ZBED6: variants seen among roughly 807,000 people sequenced by gnomAD.
ZBED6 encodes the protein zinc finger BED domain-containing protein 6.
ZBED6 carries 40 observed loss-of-function variants against 58.4 expected under a neutral mutation model. The ratio of observed to expected loss-of-function variants is 0.68; its 90% CI spans 0.53 to 0.89. The LOEUF is 0.89. Among genes scored for constraint, ZBED6 ranks in the 40% least tolerant of loss-of-function variants. ZBED6 has a pLI of 0.00. For missense variants in ZBED6, 1,057 were observed against 1,003.9 expected, an observed-to-expected ratio of 1.05 and a Z score of -0.71; for synonymous variants, 439 against 350.6, an observed-to-expected ratio of 1.25 and a Z score of -2.82.
intron 11 of ZBED6, among the ~76,000 whole-genome samples, chr1:203,845,369 T>C (rs1163455029): frequency 6.6e-6 from 1 of 152,224 alleles, no homozygotes; most frequent in Non-Finnish European, 1.5e-5. Flanking sequence ...ATTGAAAGAA[T>C]TTGTGATTTT....
exon 12 of ZBED6, chr1:203,847,522 G>C (rs762233475): frequency 9.9e-6 from 16 of 1,613,814 alleles, no homozygotes. Context: ...GGAGCCTGCA[G>C]GTAAAACAAA....
chr1:203,840,444 ATTTACCTG>A lies in ZBED6; in HGVS notation c.*3741+73_*3741+80del, dbSNP rs1320526484. 4.8e-6 allele frequency: 7 copies of A among 1,471,584 alleles called. No individual in the cohort carries two copies. The East Asian group carries it at 1.4e-4, about 29-fold the overall frequency. 91.2% of individuals were successfully genotyped at this position (1,471,584 alleles called of 1,614,324 possible). On this transcript the variant is annotated intron_variant, in intron 11 of 16. Coordinates refer to ENST00000550078, the Ensembl canonical transcript of ZBED6. ...TGTAAGAGCCTTTGCTTTTTCTCAG[ATTTACCTG>A]TTGCTTGCTAGGGCTTTTGATTTTT...
chr1:203,810,400 T>A (rs1429091190), intron 1 of ZBED6, among the ~76,000 whole-genome samples: 1 of 151,702 alleles, frequency 6.6e-6, no homozygotes, highest in East Asian at 1.9e-4. Context: ...TTCCTTTTTC[T>A]TGTTTTACAT....
At chr1:203,798,100 C>T in exon 1 of ZBED6, 2 of 1,536,118 alleles carry the variant, frequency 1.3e-6, no homozygotes, top group Non-Finnish European at 1.7e-6. Flanking sequence ...TTTGGAGTTG[C>T]TAGTGGAGAG....
intron 9 of ZBED6, among the ~76,000 whole-genome samples, chr1:203,835,176 A>G (rs1336262772): frequency 1.3e-5 from 2 of 152,220 alleles, no homozygotes; most frequent in Admixed American, 6.5e-5. Context: ...GTAATAAAAA[A>G]CTTTCAGCGA....
intron 16 of ZBED6, 108 bp from the exon 17 acceptor site, chr1:203,852,033 G>T (rs569959728): frequency 3.2e-5 from 20 of 618,176 alleles, no homozygotes; most frequent in South Asian, 5.9e-5. Flanking sequence ...ATTTCTTTAT[G>T]TATGTTCTTA....
intron 3 of ZBED6, among the ~76,000 whole-genome samples, chr1:203,823,486 A>G (rs751092412): frequency 9.9e-5 from 15 of 152,238 alleles, no homozygotes; most frequent in Non-Finnish European, 2.2e-4. Flanking sequence ...GAAGGAAGGC[A>G]GATGTTCAGC....
chr1:203,814,169 T>A (rs1342904780), intron 1 of ZBED6, among the ~76,000 whole-genome samples: 1 of 152,186 alleles, frequency 6.6e-6, no homozygotes, highest in Non-Finnish European at 1.5e-5. Flanking sequence ...AGTTCATTGC[T>A]TCCAGGTTCT....
chr1:203,817,923 T>C (rs1676913966), intron 2 of ZBED6, among the ~76,000 whole-genome samples: 1 of 152,010 alleles, frequency 6.6e-6, no homozygotes, highest in Non-Finnish European at 1.5e-5. Context: ...CAGCTAACTG[T>C]ATTTTTAGTA....
At chr1:203,849,810 A>G in exon 14 of ZBED6, 3 of 1,613,978 alleles carry the variant, frequency 1.9e-6, no homozygotes, top group Non-Finnish European at 2.5e-6. Flanking sequence ...GGAGAGGGAA[A>G]AATCAGTCTT....
intron 1 of ZBED6, among the ~76,000 whole-genome samples, chr1:203,813,365 C>T (rs932618320): frequency 5.3e-5 from 8 of 152,060 alleles, no homozygotes; most frequent in Non-Finnish European, 1.2e-4. Context: ...CACCACCATG[C>T]CTGGCTAAAT....
intron 12 of ZBED6, 39 bp downstream of exon 12, chr1:203,847,726 A>G (rs1381057781): frequency 6.3e-7 from 1 of 1,588,326 alleles, no homozygotes; most frequent in Non-Finnish European, 8.5e-7. Flanking sequence ...ACGTCCCCAC[A>G]TAATATTCCA....
rs1437800513 is a variant in ZBED6 at position 203,799,706 on chromosome 1, A to G, written c.2184A>G (p.Glu728=). ...TCCTTTCCCTGCAGAAACTCAGAGA[A>G]GATTTTCAAGTCAGAGGTATTACTC... Residue 728 remains glutamate (E), a synonymous_variant, in exon 1 of 17, where the codon GAA becomes GAG. Transcript: ENST00000550078. 4 of 720,168 alleles carry G rather than the reference A, an allele frequency of 5.6e-6. No homozygotes were observed. In the South Asian group the frequency reaches 5.9e-5, roughly 11 times the overall value. The allele number at this position is 720,168 out of a possible 1,614,324, so 44.6% of individuals were successfully genotyped here.
At chr1:203,852,459 T>C in exon 17 of ZBED6, 3 of 1,574,466 alleles carry the variant, frequency 1.9e-6, no homozygotes, top group Non-Finnish European at 2.6e-6. Context: ...TAGTTTCATC[T>C]ATTGTAACAT....
intron 3 of ZBED6, among the ~76,000 whole-genome samples, chr1:203,821,588 C>T (rs1226351386): frequency 2.6e-5 from 4 of 152,070 alleles, no homozygotes; most frequent in South Asian, 4.1e-4. Flanking sequence ...GCCCTGTATT[C>T]GGCCATTTAT....
intron 1 of ZBED6, among the ~76,000 whole-genome samples, chr1:203,810,673 A>T (rs1479328185): frequency 6.6e-6 from 1 of 150,850 alleles, no homozygotes; most frequent in African/African-American, 2.4e-5. Context: ...CCCGCCTCGG[A>T]CTCCCAAAAT....
intron 11 of ZBED6, among the ~76,000 whole-genome samples, chr1:203,841,951 G>A: frequency 8.9e-6 from 1 of 112,696 alleles, no homozygotes; most frequent in African/African-American, 3.6e-5. Context: ...ACACTCCTCA[G>A]TTCCCAGACG....
At chr1:203,831,555 A>G (rs1682381719) in intron 7 of ZBED6, 106 bp from the exon 8 acceptor site, 1 of 842,452 alleles carries the variant, frequency 1.2e-6, no homozygotes, top group African/African-American at 1.7e-5. Flanking sequence ...TATAGTCATA[A>G]TATCAGTCTG....
chr1:203,833,618 G>GTTTTTTTTTTT lies in ZBED6; in HGVS notation c.*3511-165_*3511-155dup, dbSNP rs553171669. 1.5e-4 allele frequency among the ~76,000 whole-genome samples: 19 copies of GTTTTTTTTTTT among 124,830 alleles called. 1 individual carries two copies. The highest frequency in any genetic ancestry group is 2.1e-4 in the African/African-American group (7 of 34,004). The allele number at this position is 124,830 out of a possible 152,430, so 81.9% of individuals were successfully genotyped here. On this transcript the variant is annotated intron_variant, in intron 8 of 16. Coordinates refer to ENST00000550078, the Ensembl canonical transcript of ZBED6. ...GGCTGTTTATTATTAATAGGTTTGG[G>GTTTTTTTTTTT]TTTTTTTTTTTTTTTTTTGATATAA...
Sources: gnomAD v4.1 joint callset for allele counts (sites outside exome capture counted in the v4.1 genomes callset) on GRCh38, gnomAD v4.1.1 for gene constraint, MANE v1.5 for transcripts, NCBI Gene and HGNC (gene_info 2026-07-23, HGNC 2026-07-21) for gene names.